Variants in ABL1 observed in about 807,000 individuals in gnomAD.
ABL1 encodes tyrosine-protein kinase ABL1.
In ABL1, 11 loss-of-function variants were observed where a neutral mutation model predicts 94.7. That is an observed-to-expected ratio of 0.12 (90% confidence interval 0.07 to 0.19). The LOEUF (loss-of-function observed/expected upper bound fraction) is 0.19. Among genes scored for constraint, ABL1 ranks in the 10% least tolerant of loss-of-function variants. ABL1 has a pLI of 1.00. For synonymous variants in ABL1, 656 were observed against 622.4 expected, an observed-to-expected ratio of 1.05 and a Z score of -0.80; for missense variants, 1,082 against 1,489.4, an observed-to-expected ratio of 0.73 and a Z score of 4.50.
At chr9:130,778,499 CAG>C (rs1829700887) in intron 1 of ABL1, among the ~76,000 whole-genome samples, 1 of 152,166 alleles carries the variant, frequency 6.6e-6, no homozygotes, top group Non-Finnish European at 1.5e-5. Flanking sequence ...GCTTCATATA[CAG>C]ACGTATGATC....
intron 1 of ABL1, among the ~76,000 whole-genome samples, chr9:130,801,233 T>G (rs1015137492): frequency 6.6e-6 from 1 of 151,024 alleles, no homozygotes; most frequent in East Asian, 2.0e-4. Context: ...CCGGCCCTTT[T>G]TCCTTTCTTT....
intron 1 of ABL1, among the ~76,000 whole-genome samples, chr9:130,797,236 G>GAAAAAA (rs71389356): frequency 5.4e-5 from 3 of 55,168 alleles, no homozygotes; most frequent in African/African-American, 1.2e-4. Flanking sequence ...ACTCCATCTC[G>GAAAAAA]AAAAAAAAAA....
intron 1 of ABL1, among the ~76,000 whole-genome samples, chr9:130,849,385 G>C (rs1302414855): frequency 6.6e-6 from 1 of 152,168 alleles, no homozygotes; most frequent in East Asian, 1.9e-4. Flanking sequence ...AGCATTGTAT[G>C]AGAGTGCCCG....
At chr9:130,844,807 C>A (rs1830737513) in intron 1 of ABL1, among the ~76,000 whole-genome samples, 2 of 151,958 alleles carry the variant, frequency 1.3e-5, no homozygotes, top group South Asian at 4.1e-4. Context: ...GTTTCCCCAC[C>A]AAACAAAAAA....
chr9:130,735,840 A>C (rs1455038671), intron 1 of ABL1, among the ~76,000 whole-genome samples: 2 of 149,856 alleles, frequency 1.3e-5, no homozygotes, highest in African/African-American at 2.5e-5. Context: ...CATTTCTGTT[A>C]GTAGATGGAT....
chr9:130,730,999 T>TC (rs1491155659), intron 1 of ABL1, among the ~76,000 whole-genome samples: 4 of 35,930 alleles, frequency 1.1e-4, no homozygotes, highest in Non-Finnish European at 1.9e-4. Context: ...TCTATCTCTC[T>TC]TTTTTTTTTT....
At chr9:130,865,442 AC>A (rs768281677) in intron 4 of ABL1, among the ~76,000 whole-genome samples, 24 of 152,310 alleles carry the variant, frequency 1.6e-4, no homozygotes, top group Non-Finnish European at 2.9e-4. Context: ...TGGGGCATTT[AC>A]CTTTGCTATA....
chr9:130,844,710 A>G (rs1830734681), intron 1 of ABL1, among the ~76,000 whole-genome samples: 1 of 152,164 alleles, frequency 6.6e-6, no homozygotes, highest in South Asian at 2.1e-4. Flanking sequence ...TTGAGGCAGG[A>G]GACTCACTTG....
At chr9:130,826,480 G>A (rs1190272873) in intron 1 of ABL1, among the ~76,000 whole-genome samples, 1 of 152,138 alleles carries the variant, frequency 6.6e-6, no homozygotes, top group African/African-American at 2.4e-5. Context: ...GCCCAAAGGA[G>A]ACAGTAGGGG....
At position 130,872,263 on chromosome 9, in the gene ABL1, G is replaced by T. The variant is rs763832182; in HGVS notation, c.907+50G>T. The stretch of plus-strand genomic sequence containing the variant: ...AGAGGGTCTCGCGCCGCACCCCCAG[G>T]GTGACACAGGCGCTGGGGAAGACGC... On this transcript the variant is annotated intron_variant, in intron 5 of 10. Coordinates refer to ENST00000318560, the MANE Select transcript of ABL1 (RefSeq NM_005157.6). This position sits in a 1 kb window ranked among gnomAD's most constrained non-coding sequence, Gnocchi z 5.0. 1 of 1,543,660 alleles carries T rather than the reference G, an allele frequency of 6.5e-7. No homozygotes were observed. The highest frequency in any genetic ancestry group is 2.3e-5 in the East Asian group (1 of 44,016).
At chr9:130,878,901 G>T (rs920869049) in intron 8 of ABL1, among the ~76,000 whole-genome samples, 1 of 147,484 alleles carries the variant, frequency 6.8e-6, no homozygotes, top group East Asian at 2.0e-4. Context: ...TTTTGAGACG[G>T]AGTTTCGCTC....
rs1285267465 is a variant in ABL1 at position 130,883,150 on chromosome 9, G to GCACGTGT, written c.1679-814_1679-808dup. Among the ~76,000 whole-genome samples the GCACGTGT allele has an allele frequency of 8.5e-4, 129 of 152,252 alleles. 1 individual carries two copies. Among genetic ancestry groups the GCACGTGT allele is most frequent in the Admixed American group, 8.4e-3 (129 of 15,288 alleles). On this transcript the variant is annotated intron_variant, in intron 10 of 10. Coordinates refer to ENST00000318560, the MANE Select transcript of ABL1 (RefSeq NM_005157.6). ...ATGCAGATGAGGTTGTAAAGGTGAA[G>GCACGTGT]CACGTGTCACGCTTCTCTCAATAAA...
intron 1 of ABL1, among the ~76,000 whole-genome samples, chr9:130,790,274 C>T (rs1020040661): frequency 2.6e-5 from 4 of 152,180 alleles, no homozygotes; most frequent in South Asian, 4.1e-4. Context: ...GCCAGACCTT[C>T]GCCTGTGGCC....
chr9:130,775,942 T>G (rs190384684), intron 1 of ABL1, among the ~76,000 whole-genome samples: 3 of 152,300 alleles, frequency 2.0e-5, no homozygotes, highest in Admixed American at 2.0e-4. Flanking sequence ...AGAGAAAAAT[T>G]ATTGTCAACC....
chr9:130,819,818 C>T (rs1038270087), intron 1 of ABL1, among the ~76,000 whole-genome samples: 5 of 151,538 alleles, frequency 3.3e-5, no homozygotes, highest in Non-Finnish European at 7.4e-5. Flanking sequence ...TGGGATTACA[C>T]GCGTGAGCCA....
chr9:130,743,357 G>A (rs1831843874), intron 1 of ABL1, among the ~76,000 whole-genome samples: 1 of 152,206 alleles, frequency 6.6e-6, no homozygotes, highest in Non-Finnish European at 1.5e-5. Flanking sequence ...ACAGGTGTGA[G>A]CCACCACGCC....
intron 1 of ABL1, among the ~76,000 whole-genome samples, chr9:130,715,464 T>C (rs1263443170): frequency 6.6e-6 from 1 of 152,214 alleles, no homozygotes; most frequent in Non-Finnish European, 1.5e-5. Flanking sequence ...GAACTTGCAT[T>C]TGACAGCTGA....
chr9:130,851,190 T>C (rs1043126727), intron 1 of ABL1, among the ~76,000 whole-genome samples: 6 of 152,118 alleles, frequency 3.9e-5, no homozygotes, highest in African/African-American at 1.2e-4. Context: ...AAATTGATAA[T>C]CCCTAATAGT....
intron 1 of ABL1, among the ~76,000 whole-genome samples, chr9:130,743,670 G>A (rs1831848063): frequency 6.6e-6 from 1 of 152,210 alleles, no homozygotes; most frequent in Non-Finnish European, 1.5e-5. Context: ...TTTATTGGGA[G>A]TCCAGGGAGT....
Sources: gnomAD v4.1 joint callset for allele counts (sites outside exome capture counted in the v4.1 genomes callset) on GRCh38, gnomAD v4.1.1 for gene constraint, Gnocchi (gnomAD v3.1) non-coding constraint, MANE v1.5 for transcripts, NCBI Gene and HGNC (gene_info 2026-07-23, HGNC 2026-07-21) for gene names.